MLLT3: variants seen among roughly 807,000 people sequenced by gnomAD.
MLLT3 encodes protein AF-9.
Under a neutral mutation model 53.2 loss-of-function variants are expected in MLLT3, and 4 were observed. That is an observed-to-expected ratio of 0.08 (90% CI 0.04 to 0.17). MLLT3 has a LOEUF of 0.17. Among genes scored for constraint, MLLT3 ranks in the 10% least tolerant of loss-of-function variants. The pLI is 1.00. For synonymous variants in MLLT3, 283 were observed against 230.6 expected (o/e 1.23, Z -2.06); for missense variants, 569 against 684.0 (o/e 0.83, Z 1.87).
chr9:20,531,122 A>T (rs1362389103), intron 2 of MLLT3, among the ~76,000 whole-genome samples: 39 of 84,532 alleles, frequency 4.6e-4, no homozygotes, highest in African/African-American at 7.5e-4. Context: ...TCTCCTCTCT[A>T]TCCAATATTC....
intron 2 of MLLT3, among the ~76,000 whole-genome samples, chr9:20,507,493 T>C (rs959325797): frequency 1.3e-5 from 2 of 152,148 alleles, no homozygotes; most frequent in African/African-American, 4.8e-5. Context: ...ATAACATTTC[T>C]TAAAGCTTGC....
At chr9:20,378,813 C>G (rs1821839387) in intron 5 of MLLT3, among the ~76,000 whole-genome samples, 1 of 152,036 alleles carries the variant, frequency 6.6e-6, no homozygotes, top group Admixed American at 6.6e-5. Context: ...CAAAAACATG[C>G]TACATTTACA....
chr9:20,361,038 T>C (rs775429638), intron 7 of MLLT3, among the ~76,000 whole-genome samples, 197 bp from the exon 8 acceptor site: 7 of 152,242 alleles, frequency 4.6e-5, no homozygotes, highest in Non-Finnish European at 1.0e-4. Flanking sequence ...ATTTCTCTTT[T>C]CATGATCTCC....
chr9:20,401,123 A>G (rs1426549862), intron 5 of MLLT3, among the ~76,000 whole-genome samples: 1 of 152,170 alleles, frequency 6.6e-6, no homozygotes, highest in African/African-American at 2.4e-5. Context: ...CAAATGAAAT[A>G]AGATCTGAGG....
chr9:20,480,990 G>A (rs4500162), intron 2 of MLLT3, among the ~76,000 whole-genome samples: 114,366 of 152,126 alleles, frequency 0.75, 43,504 homozygotes, highest in African/African-American at 0.87. Context: ...GGCGAAGCAC[G>A]CACACACACA....
chr9:20,447,685 T>C (rs1017496628), intron 4 of MLLT3, among the ~76,000 whole-genome samples: 1 of 152,200 alleles, frequency 6.6e-6, no homozygotes, highest in African/African-American at 2.4e-5. Flanking sequence ...AAACATGTAG[T>C]ATGAGTGAAG....
intron 4 of MLLT3, among the ~76,000 whole-genome samples, chr9:20,423,832 T>C (rs1823076946): frequency 6.6e-6 from 1 of 150,986 alleles, no homozygotes; most frequent in Non-Finnish European, 1.5e-5. Flanking sequence ...TGGTGGTGCA[T>C]GCCTGTAGTT....
At chr9:20,577,375 G>A (rs976720496) in intron 2 of MLLT3, among the ~76,000 whole-genome samples, 3 of 152,154 alleles carry the variant, frequency 2.0e-5, no homozygotes, top group Admixed American at 6.5e-5. Flanking sequence ...TGATCCAGGA[G>A]TATAACCATT....
chr9:20,342,070 C>G lies in MLLT3; in HGVS notation c.*4373G>C, dbSNP rs929489511. ...TCTCTCTGGATGTCTCAGATCTCCC[C>G]ATCTATTCTTCTTTAGAAACAGCAT... On this transcript the variant is annotated 3_prime_UTR_variant, in exon 11 of 11. Transcript: ENST00000380338. 1 of 211,844 alleles carries G rather than the reference C, an allele frequency of 4.7e-6. No individual in the cohort carries two copies. The highest frequency in any genetic ancestry group is 2.3e-5 in the African/African-American group (1 of 44,054). 13.1% of individuals were successfully genotyped at this position (211,844 alleles called of 1,614,324 possible).
At chr9:20,496,083 C>T (rs980003734) in intron 2 of MLLT3, among the ~76,000 whole-genome samples, 2 of 152,200 alleles carry the variant, frequency 1.3e-5, no homozygotes, top group African/African-American at 4.8e-5. Context: ...GCTTAGTCCA[C>T]AGAATTTTTA....
At chr9:20,420,713 T>C (rs1822987782) in intron 4 of MLLT3, among the ~76,000 whole-genome samples, 1 of 152,128 alleles carries the variant, frequency 6.6e-6, no homozygotes, top group South Asian at 2.1e-4. Flanking sequence ...TTTTTTTTTA[T>C]ACTTGAAGTT....
At chr9:20,400,964 G>A (rs1011721564) in intron 5 of MLLT3, among the ~76,000 whole-genome samples, 1 of 152,124 alleles carries the variant, frequency 6.6e-6, no homozygotes, top group Non-Finnish European at 1.5e-5. Flanking sequence ...GAAAGAGACA[G>A]GAGATAGGAA....
chr9:20,566,734 G>C (rs955601252), intron 2 of MLLT3, among the ~76,000 whole-genome samples: 4 of 151,984 alleles, frequency 2.6e-5, no homozygotes, highest in African/African-American at 9.7e-5. Flanking sequence ...CAGAAACAAG[G>C]AGAAACACAT....
chr9:20,519,514 G>A (rs564040116), intron 2 of MLLT3, among the ~76,000 whole-genome samples: 59 of 152,142 alleles, frequency 3.9e-4, no homozygotes, highest in South Asian at 1.0e-3. Flanking sequence ...ATACAATGAC[G>A]TACATAGTTA....
At chr9:20,553,121 T>C (rs1033527955) in intron 2 of MLLT3, among the ~76,000 whole-genome samples, 1 of 152,162 alleles carries the variant, frequency 6.6e-6, no homozygotes, top group Admixed American at 6.6e-5. Flanking sequence ...CAGAATTAAG[T>C]CCTTATTTTT....
chr9:20,472,682 A>AC (rs967167520), intron 2 of MLLT3, among the ~76,000 whole-genome samples: 47 of 152,220 alleles, frequency 3.1e-4, no homozygotes, highest in African/African-American at 1.1e-3. Flanking sequence ...CTTGTTAACA[A>AC]CCAAAGAAAA....
intron 4 of MLLT3, among the ~76,000 whole-genome samples, chr9:20,431,514 A>T (rs1017829928): frequency 6.6e-6 from 1 of 152,190 alleles, no homozygotes; most frequent in Admixed American, 6.5e-5. Context: ...AATTCCATGT[A>T]GTAAAGGTTA....
In MLLT3 at chr9:20,421,335, T is replaced by A. The variant is rs188736306; in HGVS notation, c.421-6910A>T. Among the ~76,000 whole-genome samples the A allele has an allele frequency of 2.4e-3, 367 of 151,884 alleles. 1 individual carries two copies. Among genetic ancestry groups the A allele is most frequent in the Non-Finnish European group, 3.7e-3 (252 of 67,922 alleles). ...AAAACAATGAAAATAGCACTTCATA[T>A]AAAAAAAACTCTGGAGGCACAGAAA... On this transcript the variant is annotated intron_variant, in intron 4 of 10. Transcript: ENST00000380338.
intron 2 of MLLT3, among the ~76,000 whole-genome samples, chr9:20,549,525 C>A (rs1411338845): frequency 2.0e-5 from 3 of 152,186 alleles, no homozygotes; most frequent in Non-Finnish European, 4.4e-5. Context: ...TGCCCAACAA[C>A]TCTAGAAAGC....
Sources: allele counts gnomAD v4.1 joint callset (sites outside exome capture counted in the v4.1 genomes callset), GRCh38; gene constraint gnomAD v4.1.1; transcripts MANE v1.5; gene names NCBI Gene and HGNC (gene_info 2026-07-23, HGNC 2026-07-21).